Variants in PARM1 observed in about 807,000 individuals in gnomAD.
PARM1 encodes prostate androgen-regulated mucin-like protein 1, also known as WSC4, cell wall integrity and stress response component 4 homolog.
In PARM1, 14 loss-of-function variants were observed where a neutral mutation model predicts 24.6. That is an observed-to-expected ratio of 0.57 (90% confidence interval 0.38 to 0.89). The LOEUF (loss-of-function observed/expected upper bound fraction) is 0.89. Ranked by LOEUF, PARM1 falls within the 40% of genes least tolerant of loss-of-function variation. PARM1 has a pLI of 0.00. For synonymous variants in PARM1, 179 were observed against 156.6 expected (o/e 1.14, Z -1.07); for missense variants, 362 against 380.4 (o/e 0.95, Z 0.40).
At chr4:74,997,916 G>A (rs1722606016) in intron 1 of PARM1, 2 of 152,196 alleles carry the variant, frequency 1.3e-5, no homozygotes, top group South Asian at 2.1e-4. Context: ...TGCACCAAAC[G>A]TAAAATTATT....
intron 1 of PARM1, among the ~76,000 whole-genome samples, chr4:74,993,511 GATTTGGGATA>G (rs1224893146): frequency 2.0e-5 from 3 of 152,114 alleles, no homozygotes; most frequent in Non-Finnish European, 4.4e-5. Context: ...AAGCTACTAA[GATTTGGGATA>G]ATTTGTTATG....
chr4:75,013,022 C>CAGTA lies in PARM1; in HGVS notation c.642_645dup (p.Pro216SerfsTer18). The CAGTA allele has an allele frequency of 6.2e-7, 1 of 1,614,008 alleles. No homozygotes were observed. Among genetic ancestry groups the CAGTA allele is most frequent in the Non-Finnish European group, 8.5e-7 (1 of 1,179,886 alleles). Reference sequence around the variant, plus strand: ...CCCACTTCACATGCCACAGCTGAGCCAGTACCCCAGGAGAAAACACCCCCA... The same window carrying CAGTA: ...CCCACTTCACATGCCACAGCTGAGCCAGTAAGTACCCCAGGAGAAAACACCCCCA... On this transcript the variant is annotated frameshift_variant, in exon 2 of 4. Transcript: ENST00000307428. LOFTEE classifies it high-confidence loss of function.
At chr4:74,941,986 T>C (rs13124578) in intron 1 of PARM1, among the ~76,000 whole-genome samples, 133,192 of 152,254 alleles carry the variant, frequency 0.87, 58,691 homozygotes, top group East Asian at 1. Context: ...ACAGAGGCTT[T>C]AGAGTAAGAT....
At chr4:74,995,111 G>C (rs1019536516) in intron 1 of PARM1, among the ~76,000 whole-genome samples, 1 of 152,172 alleles carries the variant, frequency 6.6e-6, no homozygotes, top group Non-Finnish European at 1.5e-5. Context: ...AATACACTTA[G>C]AGAAGATTAA....
intron 2 of PARM1, among the ~76,000 whole-genome samples, chr4:75,028,607 A>T (rs1480490658): frequency 6.6e-6 from 1 of 152,218 alleles, no homozygotes; most frequent in East Asian, 1.9e-4. Context: ...TTGGTCAAGT[A>T]TTTACACGCA....
At chr4:75,023,636 C>G (rs1420475937) in intron 2 of PARM1, among the ~76,000 whole-genome samples, 2 of 152,008 alleles carry the variant, frequency 1.3e-5, no homozygotes, top group Non-Finnish European at 2.9e-5. Flanking sequence ...AAGCATAGTC[C>G]AAAAAGTATA....
At chr4:74,975,941 C>T (rs1056702764) in intron 1 of PARM1, among the ~76,000 whole-genome samples, 10 of 152,012 alleles carry the variant, frequency 6.6e-5, no homozygotes, top group Admixed American at 1.3e-4. Context: ...GGTACAACAC[C>T]CAGAGAGTGA....
intron 1 of PARM1, among the ~76,000 whole-genome samples, chr4:74,946,668 A>G (rs1188157328): frequency 1.3e-5 from 2 of 152,208 alleles, no homozygotes; most frequent in East Asian, 1.9e-4. Flanking sequence ...GATCCCATCA[A>G]AAGGACTCAA....
At chr4:74,964,417 T>C (rs1721855202) in intron 1 of PARM1, among the ~76,000 whole-genome samples, 1 of 152,216 alleles carries the variant, frequency 6.6e-6, no homozygotes, top group Non-Finnish European at 1.5e-5. Flanking sequence ...CATTGGTCTG[T>C]ACTTTTCCTC....
intron 1 of PARM1, 121 bp from the exon 2 acceptor site, chr4:75,012,304 A>G (rs1722884677): frequency 1.8e-6 from 2 of 1,095,716 alleles, no homozygotes; most frequent in South Asian, 1.6e-5. Flanking sequence ...GGAGGGCACA[A>G]TGCAAAATGA....
At chr4:74,976,487 A>G (rs1035089049) in intron 1 of PARM1, among the ~76,000 whole-genome samples, 2 of 152,208 alleles carry the variant, frequency 1.3e-5, no homozygotes, top group African/African-American at 4.8e-5. Context: ...GGGTGGCCAC[A>G]GTTTCCACAG....
chr4:74,937,123 A>T (rs140026312), intron 1 of PARM1, among the ~76,000 whole-genome samples: 157 of 152,324 alleles, frequency 1.0e-3, no homozygotes, highest in Middle Eastern at 3.4e-3. Flanking sequence ...AAATGTCCTT[A>T]TCCTTGAAGG....
intron 1 of PARM1, among the ~76,000 whole-genome samples, chr4:74,983,268 A>G (rs1270686649): frequency 6.6e-6 from 1 of 152,206 alleles, no homozygotes; most frequent in East Asian, 1.9e-4. Flanking sequence ...TTTTCAGAAA[A>G]CTAAAATATC....
intron 1 of PARM1, among the ~76,000 whole-genome samples, chr4:74,943,457 T>C (rs1399207736): frequency 6.6e-6 from 1 of 152,164 alleles, no homozygotes; most frequent in Non-Finnish European, 1.5e-5. Flanking sequence ...GCAAACTTGC[T>C]TACTATCAGG....
intron 1 of PARM1, among the ~76,000 whole-genome samples, chr4:74,986,014 G>A (rs1235829286): frequency 6.6e-6 from 1 of 152,122 alleles, no homozygotes; most frequent in Non-Finnish European, 1.5e-5. Context: ...TGATCCACCT[G>A]CCTTGGCCTC....
At chr4:75,027,742 C>A (rs1723210291) in intron 2 of PARM1, among the ~76,000 whole-genome samples, 1 of 152,196 alleles carries the variant, frequency 6.6e-6, no homozygotes, top group Admixed American at 6.5e-5. Flanking sequence ...TTCTAACTAG[C>A]CCTCTTCCCA....
intron 1 of PARM1, among the ~76,000 whole-genome samples, chr4:74,982,017 C>T (rs745979045): frequency 2.4e-4 from 37 of 152,164 alleles, no homozygotes; most frequent in Middle Eastern, 3.4e-3. Context: ...CAGCACTACT[C>T]ACAATAGCAA....
chr4:75,029,876 TA>T (rs556173736), intron 2 of PARM1, among the ~76,000 whole-genome samples: 8,077 of 140,928 alleles, frequency 0.057, 239 homozygotes, highest in African/African-American at 0.092. Context: ...ATGATTAGGC[TA>T]AAAAAAAAAA....
chr4:74,988,681 CA>C (rs1437450391), intron 1 of PARM1, among the ~76,000 whole-genome samples: 1 of 152,166 alleles, frequency 6.6e-6, no homozygotes, highest in East Asian at 1.9e-4. Context: ...TACTATGTAT[CA>C]GGGGCTGTTT....
Sources: gnomAD v4.1 joint callset for allele counts (sites outside exome capture counted in the v4.1 genomes callset) on GRCh38, gnomAD v4.1.1 for gene constraint, MANE v1.5 for transcripts, NCBI Gene and HGNC (gene_info 2026-07-23, HGNC 2026-07-21) for gene names.